PBLD: variants seen among roughly 807,000 people sequenced by gnomAD.
The protein encoded by PBLD is phenazine biosynthesis like protein domain containing, also known as phenazine biosynthesis-like domain-containing protein.
Under a neutral mutation model 31.3 loss-of-function variants are expected in PBLD, and 26 were observed. The observed-to-expected ratio is 0.83, with a 90% CI of 0.61 to 1.15. The LOEUF (loss-of-function observed/expected upper bound fraction) is 1.15, where lower values mean the gene tolerates loss of function less well. Ranked by LOEUF, PBLD falls within the 50% of genes most tolerant of loss-of-function variation. The pLI is 0.00. For missense variants in PBLD, 307 were observed against 351.7 expected (o/e 0.87, Z 1.02); for synonymous variants, 114 against 129.0 (o/e 0.88, Z 0.79).
intron 2 of PBLD, among the ~76,000 whole-genome samples, chr10:68,305,942 T>C (rs2044572170): frequency 6.6e-6 from 1 of 152,150 alleles, no homozygotes; most frequent in African/African-American, 2.4e-5. Context: ...TTTAAGATCA[T>C]CAATTGCTAA....
At chr10:68,295,795 T>C (rs2044418545) in intron 4 of PBLD, among the ~76,000 whole-genome samples, 1 of 151,918 alleles carries the variant, frequency 6.6e-6, no homozygotes, top group Admixed American at 6.6e-5. Context: ...CTACTAAAAA[T>C]ACAAAAATTA....
intron 1 of PBLD, among the ~76,000 whole-genome samples, chr10:68,321,010 T>C (rs1448468714): frequency 2.0e-5 from 3 of 151,844 alleles, no homozygotes; most frequent in Non-Finnish European, 4.4e-5. Context: ...TTAGCAGAGA[T>C]GGAGTTTCAC....
At chr10:68,301,111 G>T (rs112682596) in intron 2 of PBLD, among the ~76,000 whole-genome samples, 1 of 152,108 alleles carries the variant, frequency 6.6e-6, no homozygotes, top group Non-Finnish European at 1.5e-5. Flanking sequence ...GGCCAGACTG[G>T]TCTCAAACTC....
At position 68,288,566 on chromosome 10, in the gene PBLD, T is replaced by C. The variant is rs1182982351; in HGVS notation, c.608A>G (p.Glu203Gly). ...VKGLILTLKG[E>G]PGGQTQAFDF... ...AAATGCTTGGGTCTGCCCACCAGGC[T>C]CTCCTTTAAGGGTAAGAATAAGCCC... The change falls in exon 8 of 10, where the codon GAG becomes GGG. Residue 203 changes from glutamate (E) to glycine (G), a missense_variant. By Grantham distance (98) the Glu-to-Gly change is moderately conservative (BLOSUM62 -2). Transcript: ENST00000358769. 6.2e-7 allele frequency: 1 copy of C among 1,614,234 alleles called. No homozygotes were observed. Among genetic ancestry groups the C allele is most frequent in the African/African-American group, 1.3e-5 (1 of 75,052 alleles).
In PBLD at chr10:68,320,560, T is replaced by C. The variant is rs187882383; in HGVS notation, c.-60+12224A>G. Among the ~76,000 whole-genome samples the C allele has an allele frequency of 1.4e-4, 22 of 152,344 alleles. No individual in the cohort carries two copies. The South Asian group carries it at 1.7e-3, about 11-fold the overall frequency. ...ATGCACATCCTCCCATATACTTAAA[T>C]CATCTCTAGACTCTTATAATACCTA... On this transcript the variant is annotated intron_variant, in intron 1 of 9. Coordinates refer to ENST00000358769, the MANE Select transcript of PBLD (RefSeq NM_022129.4).
intron 8 of PBLD, 71 bp from the exon 9 acceptor site, chr10:68,285,481 C>T: frequency 6.6e-7 from 1 of 1,526,220 alleles, no homozygotes; most frequent in Non-Finnish European, 8.7e-7. Context: ...AATTTCTAAG[C>T]AATTACAATC....
At chr10:68,308,374 T>C (rs182644962) in intron 1 of PBLD, among the ~76,000 whole-genome samples, 3 of 152,338 alleles carry the variant, frequency 2.0e-5, no homozygotes, top group Admixed American at 2.0e-4. Flanking sequence ...TTCTTTTATA[T>C]ATATTCCTAA....
intron 1 of PBLD, among the ~76,000 whole-genome samples, chr10:68,317,277 G>A (rs1283604338): frequency 6.6e-6 from 1 of 152,166 alleles, no homozygotes; most frequent in East Asian, 1.9e-4. Flanking sequence ...GCTAGAATTT[G>A]TTGCTAGTAT....
chr10:68,318,287 C>T (rs1044692770), intron 1 of PBLD, among the ~76,000 whole-genome samples: 1 of 150,790 alleles, frequency 6.6e-6, no homozygotes, highest in Non-Finnish European at 1.5e-5. Flanking sequence ...TGCCCATAAT[C>T]CCAGCCCTTT....
intron 1 of PBLD, among the ~76,000 whole-genome samples, chr10:68,312,900 C>T (rs966941718): frequency 1.3e-5 from 2 of 151,874 alleles, no homozygotes; most frequent in African/African-American, 2.4e-5. Flanking sequence ...CGTGAGCCAC[C>T]GGGCCCAGCC....
At chr10:68,300,921 G>A (rs1045241171) in intron 2 of PBLD, among the ~76,000 whole-genome samples, 2 of 151,864 alleles carry the variant, frequency 1.3e-5, no homozygotes, top group South Asian at 2.1e-4. Context: ...TTTTTGAGAC[G>A]GAATCTCGCT....
At chr10:68,329,996 G>A (rs2044989781) in intron 1 of PBLD, among the ~76,000 whole-genome samples, 1 of 151,520 alleles carries the variant, frequency 6.6e-6, no homozygotes, top group South Asian at 2.1e-4. Flanking sequence ...TATTTTTCAG[G>A]GTTGTAAGAG....
At position 68,327,025 on chromosome 10, in the gene PBLD, G is replaced by A. The variant is rs374888543; in HGVS notation, c.-60+5759C>T. On this transcript the variant is annotated intron_variant, in intron 1 of 9. Transcript: ENST00000358769. ...TCGCGCCACTGCACTCCAGTCTGGC[G>A]ACAGAGCGAGACTCCACTACAAAAC... Among the ~76,000 whole-genome samples the A allele has an allele frequency of 6.6e-5, 10 of 152,002 alleles. No individual in the cohort carries two copies. The East Asian group carries it at 1.2e-3, about 18-fold the overall frequency.
chr10:68,294,213 T>C (rs1437686170), intron 4 of PBLD, among the ~76,000 whole-genome samples: 1 of 152,180 alleles, frequency 6.6e-6, no homozygotes, highest in African/African-American at 2.4e-5. Flanking sequence ...TGTTAGCCTC[T>C]GCCTGGGATG....
chr10:68,296,372 T>C lies in PBLD; in HGVS notation c.185-8A>G, dbSNP rs758141080. On this transcript the variant is annotated splice_region_variant and splice_polypyrimidine_tract_variant and intron_variant, in intron 3 of 9. Coordinates refer to ENST00000358769, the MANE Select transcript of PBLD (RefSeq NM_022129.4). ...TCAGTCCAAAGCAGGAACCTGAGGA[T>C]AGGAAAAGCCAAAGAGAGATGAGAT... 3.1e-6 allele frequency: 5 copies of C among 1,600,704 alleles called. No homozygotes were observed. The African/African-American group carries it at 4.0e-5, about 13-fold the overall frequency.
intron 1 of PBLD, among the ~76,000 whole-genome samples, chr10:68,315,680 A>C (rs143090897): frequency 1.3e-5 from 2 of 152,236 alleles, no homozygotes; most frequent in African/African-American, 2.4e-5. Flanking sequence ...GACTGTGTGC[A>C]TGCAGAAAAC....
intron 1 of PBLD, among the ~76,000 whole-genome samples, chr10:68,319,652 C>T (rs1014221712): frequency 9.9e-5 from 15 of 151,600 alleles, no homozygotes; most frequent in African/African-American, 1.9e-4. Flanking sequence ...ACCTGGGAGG[C>T]GGAGGTTGCA....
In PBLD at chr10:68,283,808, T is replaced by A. The variant is rs182315384; in HGVS notation, c.*369A>T. The A allele has an allele frequency of 1.4e-5, 3 of 210,934 alleles. No homozygotes were observed. In the South Asian group the frequency reaches 2.3e-4, roughly 16 times the overall value. The allele number at this position is 210,934 out of a possible 1,614,324, so 13.1% of individuals were successfully genotyped here. On this transcript the variant is annotated 3_prime_UTR_variant, in exon 10 of 10. Transcript: ENST00000358769. Reference sequence around the variant, plus strand: ...TTGCCCAGGCTGGAGTGCAGTGGTGTGATCTCTGCTCACTGCAACTTCTGC... The same window carrying A: ...TTGCCCAGGCTGGAGTGCAGTGGTGAGATCTCTGCTCACTGCAACTTCTGC...
In PBLD at chr10:68,330,359, G is replaced by C. The variant is rs559960548; in HGVS notation, c.-60+2425C>G. Among the ~76,000 whole-genome samples the C allele has an allele frequency of 1.6e-4, 25 of 152,178 alleles. No individual in the cohort carries two copies. In the East Asian group the frequency reaches 3.9e-3, roughly 24 times the overall value. On this transcript the variant is annotated intron_variant, in intron 1 of 9. Transcript: ENST00000358769. ...GAGAAAAAATTATACATCCTCCTAC[G>C]TTGCTAACACCTCTCACCCTACCCC...
Sources: allele counts gnomAD v4.1 joint callset (sites outside exome capture counted in the v4.1 genomes callset), GRCh38; gene constraint gnomAD v4.1.1; transcripts MANE v1.5; gene names NCBI Gene and HGNC (gene_info 2026-07-23, HGNC 2026-07-21).